Variants in SNTB1 observed in about 807,000 individuals in gnomAD.
The protein encoded by SNTB1 is beta-1-syntrophin.
In SNTB1, 36 loss-of-function variants were observed where a neutral mutation model predicts 48.9. The ratio of observed to expected loss-of-function variants is 0.74; its 90% CI spans 0.56 to 0.97. The LOEUF is 0.97. Among genes scored for constraint, SNTB1 ranks in the 50% least tolerant of loss-of-function variants. The pLI is 0.00. For missense variants in SNTB1, 786 were observed against 703.4 expected (o/e 1.12, Z -1.33); for synonymous variants, 299 against 294.6 (o/e 1.01, Z -0.15).
chr8:120,688,903 G>A (rs57592694), intron 2 of SNTB1, among the ~76,000 whole-genome samples: 8,477 of 151,996 alleles, frequency 0.056, 665 homozygotes, highest in East Asian at 0.38. Context: ...GGTGGGAAAT[G>A]GGGAAAGAGC....
chr8:120,699,679 A>G (rs991182442), intron 1 of SNTB1, among the ~76,000 whole-genome samples: 2 of 152,196 alleles, frequency 1.3e-5, no homozygotes, highest in African/African-American at 4.8e-5. Context: ...AAATGGATTA[A>G]CACACAACCC....
intron 4 of SNTB1, among the ~76,000 whole-genome samples, chr8:120,560,775 G>A (rs955158092): frequency 6.6e-6 from 1 of 152,148 alleles, no homozygotes; most frequent in Non-Finnish European, 1.5e-5. Flanking sequence ...AGAGAAAAGC[G>A]GATGTTCACC....
intron 4 of SNTB1, chr8:120,570,623 C>T (rs1815826373): frequency 1.3e-5 from 2 of 152,266 alleles, no homozygotes; most frequent in Non-Finnish European, 2.9e-5. Flanking sequence ...AAAATGGGCA[C>T]ACTAATACCG....
rs540899032 is a variant in SNTB1 at position 120,606,420 on chromosome 8, TG to T, written c.996+26023del. 8.6e-3 allele frequency among the ~76,000 whole-genome samples: 1,204 copies of T among 140,004 alleles called. 13 individuals carry two copies. The highest frequency in any genetic ancestry group is 0.012 in the Middle Eastern group (3 of 254). The allele number at this position is 140,004 out of a possible 152,430, so 91.8% of individuals were successfully genotyped here. ...GCGTGTGTGTATATATGTGTGTGTG[TG>T]TGTGTGTGTGTGTATATACACACAC... On this transcript the variant is annotated intron_variant, in intron 3 of 6. Coordinates refer to ENST00000517992, the MANE Select transcript of SNTB1 (RefSeq NM_021021.4).
intron 3 of SNTB1, among the ~76,000 whole-genome samples, chr8:120,600,753 A>C (rs1816409254): frequency 6.6e-6 from 1 of 151,888 alleles, no homozygotes; most frequent in Non-Finnish European, 1.5e-5. Context: ...TGGGGCAGCA[A>C]GAGAAAGAGG....
At chr8:120,542,043 G>A in intron 5 of SNTB1, 43 bp from the exon 6 acceptor site, 1 of 1,513,230 alleles carries the variant, frequency 6.6e-7, no homozygotes, top group African/African-American at 1.4e-5. Flanking sequence ...TATGAACCAT[G>A]GCAATCAATC....
chr8:120,633,604 CAAAT>C (rs1563836751), intron 2 of SNTB1, among the ~76,000 whole-genome samples: 1 of 151,556 alleles, frequency 6.6e-6, no homozygotes, highest in Admixed American at 6.6e-5. Context: ...GACTCGGTCT[CAAAT>C]AAAATAAAAT....
intron 1 of SNTB1, among the ~76,000 whole-genome samples, chr8:120,753,700 G>A (rs760841222): frequency 2.0e-4 from 31 of 152,068 alleles, no homozygotes; most frequent in Admixed American, 1.8e-3. Context: ...AGGTGTGTGC[G>A]GTCAGCAGAA....
intron 1 of SNTB1, among the ~76,000 whole-genome samples, chr8:120,757,868 G>A (rs1283393126): frequency 8.0e-6 from 1 of 124,288 alleles, no homozygotes; most frequent in African/African-American, 2.8e-5. Flanking sequence ...GGACATGTGA[G>A]CTTGGAAGTT....
At chr8:120,661,703 T>G (rs1817591355) in intron 2 of SNTB1, among the ~76,000 whole-genome samples, 1 of 152,184 alleles carries the variant, frequency 6.6e-6, no homozygotes, top group South Asian at 2.1e-4. Context: ...TGTGTCCATG[T>G]GATCTCATTG....
At chr8:120,597,545 T>C (rs908083314) in intron 3 of SNTB1, among the ~76,000 whole-genome samples, 3 of 152,206 alleles carry the variant, frequency 2.0e-5, no homozygotes, top group African/African-American at 7.2e-5. Flanking sequence ...GGACATCACA[T>C]TAGTGAAAAA....
chr8:120,598,524 C>A (rs560364757), intron 3 of SNTB1, among the ~76,000 whole-genome samples: 2 of 152,156 alleles, frequency 1.3e-5, no homozygotes, highest in African/African-American at 2.4e-5. Context: ...CAAGGTCTCA[C>A]CCCCAGGAGC....
chr8:120,631,704 T>C (rs934205301), intron 3 of SNTB1, among the ~76,000 whole-genome samples: 12 of 152,168 alleles, frequency 7.9e-5, no homozygotes, highest in Admixed American at 1.3e-4. Flanking sequence ...TCCCAAGAGA[T>C]GGCCACAGAG....
intron 2 of SNTB1, among the ~76,000 whole-genome samples, chr8:120,673,371 A>C (rs1201133715): frequency 2.0e-5 from 3 of 150,384 alleles, no homozygotes; most frequent in Non-Finnish European, 1.5e-5. Flanking sequence ...GCTCACTGCA[A>C]CCTCCGTCTC....
At chr8:120,589,612 T>G (rs949294996) in intron 3 of SNTB1, among the ~76,000 whole-genome samples, 3 of 152,206 alleles carry the variant, frequency 2.0e-5, no homozygotes, top group African/African-American at 7.2e-5. Context: ...ACCTGCTGTC[T>G]GGTGAGGGCC....
rs189501706 is a variant in SNTB1, at chr8:120,708,104, A to G, written c.572-14196T>C. ...GGGGAAATGACATCAGATATAATAT[A>G]TATTAAAATAATAAATAATCTCTAA... On this transcript the variant is annotated intron_variant, in intron 1 of 6. Coordinates refer to ENST00000517992, the MANE Select transcript of SNTB1 (RefSeq NM_021021.4). Among the ~76,000 whole-genome samples, 1,456 of 151,884 alleles carry G rather than the reference A, an allele frequency of 9.6e-3. 9 individuals are homozygous for G. Among genetic ancestry groups the G allele is most frequent in the Non-Finnish European group, 0.016 (1,106 of 67,882 alleles).
At chr8:120,613,492 T>C (rs1480439868) in intron 3 of SNTB1, among the ~76,000 whole-genome samples, 2 of 152,026 alleles carry the variant, frequency 1.3e-5, no homozygotes, top group African/African-American at 4.8e-5. Context: ...GGGTACAAAA[T>C]CTGCATTTTT....
At chr8:120,657,419 T>C (rs1587068333) in intron 2 of SNTB1, among the ~76,000 whole-genome samples, 1 of 152,218 alleles carries the variant, frequency 6.6e-6, no homozygotes, top group South Asian at 2.1e-4. Context: ...TTGCCTGAAA[T>C]GATGTCTTGA....
intron 2 of SNTB1, among the ~76,000 whole-genome samples, chr8:120,660,197 T>C (rs919375685): frequency 6.6e-6 from 1 of 152,250 alleles, no homozygotes; most frequent in Non-Finnish European, 1.5e-5. Context: ...CCTCTGAAGA[T>C]GTGAAGACAA....
Sources: gnomAD v4.1 joint callset for allele counts (sites outside exome capture counted in the v4.1 genomes callset) on GRCh38, gnomAD v4.1.1 for gene constraint, MANE v1.5 for transcripts, NCBI Gene and HGNC (gene_info 2026-07-23, HGNC 2026-07-21) for gene names.